DHX8: variants seen among roughly 807,000 people sequenced by gnomAD.
The protein encoded by DHX8 is ATP-dependent RNA helicase DHX8.
A neutral mutation model predicts 140.7 loss-of-function variants in DHX8; 67 were observed. The ratio of observed to expected loss-of-function variants is 0.48; its 90% CI spans 0.39 to 0.58. The LOEUF is 0.58. DHX8 is among the 20% of genes least tolerant of loss of function. The pLI is 0.00. For missense variants in DHX8, 887 were observed against 1,550.7 expected (o/e 0.57, Z 7.19); for synonymous variants, 533 against 553.2 (o/e 0.96, Z 0.51).
intron 2 of DHX8, chr17:43,533,302 C>T (rs1208924803): frequency 6.2e-7 from 1 of 1,613,762 alleles, no homozygotes; most frequent in Admixed American, 1.7e-5. Context: ...CCAAGGGCAC[C>T]AGGGGCAGGG....
intron 17 of DHX8, among the ~76,000 whole-genome samples, chr17:43,516,679 G>C (rs898448651): frequency 6.6e-6 from 1 of 151,934 alleles, no homozygotes; most frequent in African/African-American, 2.4e-5. Flanking sequence ...GAACTCCTGG[G>C]CTCATGCAAT....
chr17:43,508,946 T>C (rs551972812), intron 16 of DHX8, among the ~76,000 whole-genome samples: 4 of 152,268 alleles, frequency 2.6e-5, no homozygotes, highest in South Asian at 4.1e-4. Flanking sequence ...GTTTGTTAGG[T>C]TTCAGAGACT....
intron 2 of DHX8, chr17:43,534,133 G>A (rs1971109431): frequency 2.5e-6 from 2 of 808,754 alleles, no homozygotes; most frequent in Admixed American, 4.2e-5. Context: ...GAGACCCGCA[G>A]TGAGACAAGA....
intron 11 of DHX8, 90 bp from the exon 12 acceptor site, chr17:43,504,554 T>C (rs752604370): frequency 8.5e-6 from 11 of 1,289,790 alleles, no homozygotes; most frequent in Admixed American, 4.6e-5. Flanking sequence ...AGATGCTGCA[T>C]GTGCAGTGCC....
At chr17:43,543,342 T>C (rs1486748432) in intron 3 of DHX8, among the ~76,000 whole-genome samples, 1 of 149,270 alleles carries the variant, frequency 6.7e-6, no homozygotes, top group Non-Finnish European at 1.5e-5. Context: ...AGACAGACAT[T>C]TGTACCCTCT....
intron 8 of DHX8, among the ~76,000 whole-genome samples, chr17:43,494,283 A>G (rs985034194): frequency 6.6e-6 from 1 of 152,174 alleles, no homozygotes; most frequent in African/African-American, 2.4e-5. Flanking sequence ...ACACGTGGAA[A>G]TTCAAGATGA....
chr17:43,528,739 G>A (rs780818960), downstream of DHX8: 7 of 1,613,752 alleles, frequency 4.3e-6, no homozygotes, highest in Admixed American at 8.3e-5. Context: ...ACGCTCACCA[G>A]CCACCTATGG....
At chr17:43,509,822 C>A (rs1969715949) in intron 16 of DHX8, among the ~76,000 whole-genome samples, 1 of 152,034 alleles carries the variant, frequency 6.6e-6, no homozygotes, top group African/African-American at 2.4e-5. Context: ...GCACCCACTA[C>A]CACGCCTGGC....
intron 2 of DHX8, chr17:43,533,032 G>A (rs1005200759): frequency 2.0e-6 from 3 of 1,503,988 alleles, no homozygotes; most frequent in Non-Finnish European, 2.7e-6. Context: ...GTGGGCTCCG[G>A]AATGGGGGGT....
At chr17:43,486,082 G>C (rs920424076) in intron 1 of DHX8, among the ~76,000 whole-genome samples, 2 of 124,274 alleles carry the variant, frequency 1.6e-5, no homozygotes, top group Non-Finnish European at 3.6e-5. Context: ...CTGGTGCTAT[G>C]CAGGAGGCTG....
intron 1 of DHX8, among the ~76,000 whole-genome samples, chr17:43,487,588 G>A (rs190827688): frequency 1.3e-5 from 2 of 152,206 alleles, no homozygotes; most frequent in South Asian, 2.1e-4. Flanking sequence ...TCCTGGGCTC[G>A]AGCAATCTGC....
chr17:43,541,180 C>G (rs540894149), intron 3 of DHX8, among the ~76,000 whole-genome samples: 2 of 152,214 alleles, frequency 1.3e-5, no homozygotes, highest in South Asian at 4.1e-4. Context: ...GCCCCTCCCC[C>G]AAACACTGGC....
intron 17 of DHX8, among the ~76,000 whole-genome samples, chr17:43,515,629 A>C (rs1970071269): frequency 6.6e-6 from 1 of 152,228 alleles, no homozygotes; most frequent in African/African-American, 2.4e-5. Flanking sequence ...GATTTGCCTA[A>C]CATCACAGAG....
intron 18 of DHX8, chr17:43,518,856 CT>C (rs1356503864): frequency 2.0e-5 from 3 of 152,240 alleles, no homozygotes; most frequent in African/African-American, 7.2e-5. Flanking sequence ...ATACAATATT[CT>C]TTTGTATCTG....
rs1313008675 is a variant in DHX8 at position 43,524,695 on chromosome 17, A to G, written c.*848A>G. 3 of 985,456 alleles carry G rather than the reference A, an allele frequency of 3.0e-6. No homozygotes were observed. Among genetic ancestry groups the G allele is most frequent in the African/African-American group, 1.7e-5 (1 of 57,368 alleles). 61.0% of individuals were successfully genotyped at this position (985,456 alleles called of 1,614,324 possible). A position where few individuals can be genotyped will look rare whatever the true frequency, so the allele number is the denominator to read the frequency against. The stretch of plus-strand genomic sequence containing the variant: ...AGCATGTCCCATTTCCTTTTGAAAC[A>G]TACTAAGTAACAACACAGCTTTTAT... On this transcript the variant is annotated 3_prime_UTR_variant, in exon 23 of 23. Coordinates refer to ENST00000262415, the MANE Select transcript of DHX8 (RefSeq NM_004941.3).
intron 3 of DHX8, among the ~76,000 whole-genome samples, chr17:43,543,297 C>CTG (rs1555559952): frequency 6.8e-5 from 10 of 146,900 alleles, no homozygotes; most frequent in African/African-American, 2.5e-4. Context: ...CTCTCTCTCT[C>CTG]ACACACACAC....
chr17:43,515,995 T>A (rs943117461), intron 17 of DHX8, among the ~76,000 whole-genome samples: 14 of 152,068 alleles, frequency 9.2e-5, no homozygotes, highest in African/African-American at 3.4e-4. Flanking sequence ...TAAAAAAAAA[T>A]CAGTGTTTTT....
chr17:43,492,160 T>C, intron 4 of DHX8, 23 bp from the exon 5 acceptor site: 1 of 1,592,636 alleles, frequency 6.3e-7, no homozygotes, highest in Non-Finnish European at 8.6e-7. Context: ...TTTTCCTAAC[T>C]TTGCCGGCCT....
At chr17:43,492,151 T>C in intron 4 of DHX8, 32 bp from the exon 5 acceptor site, 1 of 1,546,356 alleles carries the variant, frequency 6.5e-7, no homozygotes, top group Admixed American at 1.7e-5. Context: ...AGTAGTTTTT[T>C]TTCCTAACTT....
Sources: allele counts gnomAD v4.1 joint callset (sites outside exome capture counted in the v4.1 genomes callset), GRCh38; gene constraint gnomAD v4.1.1; transcripts MANE v1.5; gene names NCBI Gene and HGNC (gene_info 2026-07-23, HGNC 2026-07-21).